Variants in GLS observed in about 807,000 individuals in gnomAD.
GLS encodes the protein glutaminase kidney isoform, mitochondrial.
GLS carries 36 observed loss-of-function variants against 86.7 expected under a neutral mutation model. The ratio of observed to expected loss-of-function variants is 0.42; its 90% CI spans 0.32 to 0.55. The LOEUF (loss-of-function observed/expected upper bound fraction) is 0.55. Ranked by LOEUF, GLS falls within the 20% of genes least tolerant of loss-of-function variation. The pLI is 0.17. For missense variants in GLS, 528 were observed against 833.4 expected, an observed-to-expected ratio of 0.63 and a Z score of 4.51; for synonymous variants, 317 against 305.9, an observed-to-expected ratio of 1.04 and a Z score of -0.38.
chr2:190,915,322 A>T (rs1172380125), intron 7 of GLS, among the ~76,000 whole-genome samples: 2 of 152,044 alleles, frequency 1.3e-5, no homozygotes, highest in Non-Finnish European at 2.9e-5. Flanking sequence ...ATTTTCTGGT[A>T]CCAGAATCTG....
chr2:190,907,473 C>T (rs1430983850), intron 6 of GLS, among the ~76,000 whole-genome samples: 7 of 151,304 alleles, frequency 4.6e-5, no homozygotes, highest in East Asian at 2.0e-4. Context: ...TCAGGCTGGT[C>T]GCGAACTCCC....
chr2:190,944,775 C>T (rs1340129903), intron 14 of GLS, among the ~76,000 whole-genome samples: 2 of 152,156 alleles, frequency 1.3e-5, no homozygotes, highest in Non-Finnish European at 2.9e-5. Flanking sequence ...TATTCACATT[C>T]ACCCAACTCA....
chr2:190,883,971 G>T (rs1398274815), intron 1 of GLS, among the ~76,000 whole-genome samples: 3 of 152,048 alleles, frequency 2.0e-5, no homozygotes, highest in African/African-American at 7.3e-5. Context: ...TTTCCATCAC[G>T]CAACTTTAGT....
At position 190,953,606 on chromosome 2, in the gene GLS, A is replaced by C. The variant is rs748645687; in HGVS notation, c.1692A>C (p.Gly564=). 2 of 1,608,972 alleles carry C rather than the reference A, an allele frequency of 1.2e-6. No homozygotes were observed. The highest frequency in any genetic ancestry group is 8.5e-7 in the Non-Finnish European group (1 of 1,175,404). Residue 564 remains glycine (G), a synonymous_variant, in exon 15 of 18, where the codon GGA becomes GGC. Transcript: ENST00000320717. The surrounding 1 kb of genome is among the most constrained non-coding windows in gnomAD (Gnocchi z 4.0). ...ATCTTTTGTTTGCTGCATATACTGG[A>C]GATGTGTCTGCACTTCGAAGGTATG... ...VINLLFAAYT[G]DVSALRRFAL...
Position 190,920,643 on chromosome 2 carries a change from T to C in GLS, c.1039-381T>C, listed in dbSNP as rs1335659991. On this transcript the variant is annotated intron_variant, in intron 7 of 17. Coordinates refer to ENST00000320717, the MANE Select transcript of GLS (RefSeq NM_014905.5). This position sits in a 1 kb window ranked among gnomAD's most constrained non-coding sequence, Gnocchi z 4.2. ...GAAATATTTTATATATACTTAATTC[T>C]TTTCGAAGGGTGAAACTTTATTTTA... is the stretch of plus-strand genomic sequence containing the variant. Among the ~76,000 whole-genome samples the C allele has an allele frequency of 6.6e-6, 1 of 151,674 alleles. No individual in the cohort carries two copies. The highest frequency in any genetic ancestry group is 1.5e-5 in the Non-Finnish European group (1 of 67,688).
rs1688146079 is a variant in GLS, at chr2:190,881,157, C to G, written c.73C>G (p.Leu25Val). 1 of 1,546,844 alleles carries G rather than the reference C, an allele frequency of 6.5e-7. No individual in the cohort carries two copies. Among genetic ancestry groups the G allele is most frequent in the African/African-American group, 1.4e-5 (1 of 72,928 alleles). ...GTCGCCCGCCGGCGTGAGCGCGACT[C>G]TGCGGCGGGCACAGCCCTTGGTCAC... Reference protein sequence around the residue: ...LRSPAGVSATLRRAQPLVTLC... With the variant: ...LRSPAGVSATVRRAQPLVTLC... The change falls in exon 1 of 18, where the codon CTG becomes GTG. Residue 25 changes from leucine (L) to valine (V), a missense_variant. This residue lies in a region of GLS where 224 missense variants were observed against 187.9 expected (regional missense o/e 1.19). Transcript: ENST00000320717.
rs1315828757 is a variant in GLS, at chr2:190,947,657, C to G, written c.1651-5908C>G. On this transcript the variant is annotated intron_variant, in intron 14 of 17. Coordinates refer to ENST00000320717, the MANE Select transcript of GLS (RefSeq NM_014905.5). The surrounding 1 kb of genome is among the most constrained non-coding windows in gnomAD (Gnocchi z 5.0). Reference sequence around the variant, plus strand: ...TTATCAAAACATAGCTTCCATGCCTCTGGCATTTACTGTTAACCCATTATT... The same window carrying G: ...TTATCAAAACATAGCTTCCATGCCTGTGGCATTTACTGTTAACCCATTATT... Among the ~76,000 whole-genome samples, 1 of 152,200 alleles carries G rather than the reference C, an allele frequency of 6.6e-6. No individual in the cohort carries two copies. Among genetic ancestry groups the G allele is most frequent in the African/African-American group, 2.4e-5 (1 of 41,458 alleles).
chr2:190,881,564 A>G (rs932608667), intron 1 of GLS, 94 bp downstream of exon 1: 39 of 1,202,518 alleles, frequency 3.2e-5, no homozygotes, highest in Non-Finnish European at 4.4e-5. Flanking sequence ...ATAGGAGCCG[A>G]GGGTCTAGAA....
At chr2:190,952,871 C>T (rs1002741146) in intron 14 of GLS, among the ~76,000 whole-genome samples, 1 of 152,158 alleles carries the variant, frequency 6.6e-6, no homozygotes, top group African/African-American at 2.4e-5. Context: ...TAGACTTTTC[C>T]TCTTAACTAT....
chr2:190,926,120 C>T (rs917108992), intron 11 of GLS, among the ~76,000 whole-genome samples: 9 of 152,112 alleles, frequency 5.9e-5, no homozygotes, highest in East Asian at 1.9e-4. Context: ...TCAAATTGAA[C>T]GGCCATTGAG....
At chr2:190,904,099 C>T (rs114605235) in intron 5 of GLS, among the ~76,000 whole-genome samples, 1 of 151,636 alleles carries the variant, frequency 6.6e-6, no homozygotes, top group Non-Finnish European at 1.5e-5. Context: ...TGATGACTGC[C>T]TACTGAACTT....
Position 190,913,585 on chromosome 2 carries a change from T to A in GLS, c.1038+3264T>A, listed in dbSNP as rs1374909048. On this transcript the variant is annotated intron_variant, in intron 7 of 17. Coordinates refer to ENST00000320717, the MANE Select transcript of GLS (RefSeq NM_014905.5). The surrounding 1 kb of genome is among the most constrained non-coding windows in gnomAD (Gnocchi z 6.1). ...TAAATTTGAAAGGAACAGTTATTTT[T>A]ATATGATGTAGCAGTATCCTTACGT... is the stretch of plus-strand genomic sequence containing the variant. 1 of 963,164 alleles carries A rather than the reference T, an allele frequency of 1.0e-6. No homozygotes were observed. Among genetic ancestry groups the A allele is most frequent in the Non-Finnish European group, 1.2e-6 (1 of 809,722 alleles). 59.7% of individuals were successfully genotyped at this position (963,164 alleles called of 1,614,324 possible).
intron 3 of GLS, chr2:190,896,410 A>C (rs1688742313): frequency 6.6e-6 from 1 of 152,248 alleles, no homozygotes. Flanking sequence ...CAAAGAATCA[A>C]ATAGTATTTT....
At chr2:190,900,814 TA>T in intron 4 of GLS, 121 bp downstream of exon 4, 1 of 583,204 alleles carries the variant, frequency 1.7e-6, no homozygotes, top group Non-Finnish European at 2.9e-6. Context: ...TAGCTTCGCT[TA>T]AGAAATTTAA....
intron 7 of GLS, among the ~76,000 whole-genome samples, chr2:190,912,419 T>C (rs577041772): frequency 3.4e-5 from 5 of 147,702 alleles, no homozygotes; most frequent in East Asian, 4.0e-4. Context: ...CTATGTAAAA[T>C]TGAATGCCCC....
chr2:190,885,309 A>T (rs1688338786), intron 1 of GLS, among the ~76,000 whole-genome samples: 1 of 151,828 alleles, frequency 6.6e-6, no homozygotes, highest in South Asian at 2.1e-4. Context: ...CTCCTGCCTC[A>T]GCCTCCCGAG....
chr2:190,953,734 A>G lies in GLS; in HGVS notation c.1712+108A>G. 4 of 769,430 alleles carry G rather than the reference A, an allele frequency of 5.2e-6. No individual in the cohort carries two copies. The highest frequency in any genetic ancestry group is 2.2e-6 in the Non-Finnish European group (1 of 459,630). The allele number at this position is 769,430 out of a possible 1,614,324, so 47.7% of individuals were successfully genotyped here. On this transcript the variant is annotated intron_variant, in intron 15 of 17. Coordinates refer to ENST00000320717, the MANE Select transcript of GLS (RefSeq NM_014905.5). This position sits in a 1 kb window ranked among gnomAD's most constrained non-coding sequence, Gnocchi z 4.0. ...GTCTCACTTTTCTTTCCCTTTGATA[A>G]AAATGACCCCAACAAAATTTTTATT...
Position 190,913,823 on chromosome 2 carries a change from C to CCTTGTCTCTAA in GLS, c.1038+3502_1038+3503insCTTGTCTCTAA. ...TTTTTTGTTTTTTGTTTTTTAGAGA[C>CCTTGTCTCTAA]AAGGTCTCTCTCTGTTGCCCAGTCT... On this transcript the variant is annotated intron_variant, in intron 7 of 17. Coordinates refer to ENST00000320717, the MANE Select transcript of GLS (RefSeq NM_014905.5). The surrounding 1 kb of genome is among the most constrained non-coding windows in gnomAD (Gnocchi z 6.1). 5.5e-6 allele frequency: 4 copies of CCTTGTCTCTAA among 721,212 alleles called. No individual in the cohort carries two copies. Among genetic ancestry groups the CCTTGTCTCTAA allele is most frequent in the Non-Finnish European group, 6.8e-6 (4 of 589,152 alleles). The allele number at this position is 721,212 out of a possible 1,614,324, so 44.7% of individuals were successfully genotyped here.
chr2:190,900,546 T>G lies in GLS; in HGVS notation c.606-18T>G, dbSNP rs1284570042. On this transcript the variant is annotated intron_variant, in intron 3 of 17. Transcript: ENST00000320717. ...TGAAATGTACCCAGTTTATTAATTATCTTTTTACATTCTACAGATGTGTTC... is the reference window on the plus strand; with the variant it reads ...TGAAATGTACCCAGTTTATTAATTAGCTTTTTACATTCTACAGATGTGTTC... 4.7e-6 allele frequency: 7 copies of G among 1,495,134 alleles called. No individual in the cohort carries two copies. Among genetic ancestry groups the G allele is most frequent in the Admixed American group, 3.7e-5 (2 of 54,194 alleles). 92.6% of individuals were successfully genotyped at this position (1,495,134 alleles called of 1,614,324 possible).
Sources: gnomAD v4.1 joint callset for allele counts (sites outside exome capture counted in the v4.1 genomes callset) on GRCh38, gnomAD v4.1.1 for gene constraint, gnomAD v4.1.1 regional missense constraint, Gnocchi (gnomAD v3.1) non-coding constraint, MANE v1.5 for transcripts, NCBI Gene and HGNC (gene_info 2026-07-23, HGNC 2026-07-21) for gene names.